Variants in CAMTA1 observed in about 807,000 individuals in gnomAD.
CAMTA1 encodes the protein calmodulin-binding transcription activator 1.
CAMTA1 carries 27 observed loss-of-function variants against 170.9 expected under a neutral mutation model. That is an observed-to-expected ratio of 0.16 (90% CI 0.12 to 0.22). The LOEUF is 0.22. CAMTA1 is among the 10% of genes least tolerant of loss of function. The pLI is 1.00. For missense variants in CAMTA1, 1,619 were observed against 2,217.2 expected, an observed-to-expected ratio of 0.73 and a Z score of 5.42; for synonymous variants, 833 against 891.5, an observed-to-expected ratio of 0.93 and a Z score of 1.17.
rs1477095211 is a variant in CAMTA1, at chr1:7,680,860, G to GCCA, written c.2914+3128_2914+3130dup. Among the ~76,000 whole-genome samples, 19 of 47,006 alleles carry GCCA rather than the reference G, an allele frequency of 4.0e-4. No homozygotes were observed. In the Admixed American group the frequency reaches 5.0e-3, roughly 12 times the overall value. 30.8% of individuals were successfully genotyped at this position (47,006 alleles called of 152,430 possible). On this transcript the variant is annotated intron_variant, in intron 11 of 22. Coordinates refer to ENST00000303635, the MANE Select transcript of CAMTA1 (RefSeq NM_015215.4). This position sits in a 1 kb window ranked among gnomAD's most constrained non-coding sequence, Gnocchi z 4.4. ...AGAGAACACGCGCGCGCGCGCGCGC[G>GCCA]CCAGCAGCAGCAGCAGCAGCAGCTG...
At chr1:7,452,999 A>T (rs376006041) in intron 5 of CAMTA1, among the ~76,000 whole-genome samples, 1 of 148,146 alleles carries the variant, frequency 6.8e-6, no homozygotes, top group East Asian at 1.9e-4. Flanking sequence ...ACTAGACTCC[A>T]AGGAAACACA....
chr1:6,927,041 C>T (rs951058035), intron 3 of CAMTA1, among the ~76,000 whole-genome samples: 5 of 151,896 alleles, frequency 3.3e-5, no homozygotes, highest in Admixed American at 2.0e-4. Flanking sequence ...CACCTGGCCT[C>T]GGTGATTATT....
chr1:7,263,329 G>A (rs1214757431), intron 5 of CAMTA1, among the ~76,000 whole-genome samples: 1 of 152,154 alleles, frequency 6.6e-6, no homozygotes, highest in East Asian at 1.9e-4. Flanking sequence ...TATTGTGAAT[G>A]GACTGAATTA....
chr1:7,745,086 G>T, intron 17 of CAMTA1, 64 bp downstream of exon 17: 1 of 1,448,536 alleles, frequency 6.9e-7, no homozygotes, highest in Non-Finnish European at 9.4e-7. Flanking sequence ...AGGCAGGGGA[G>T]GCTGATTGTA....
rs116361765 is a variant in CAMTA1, at chr1:6,973,215, G to C, written c.235-118089G>C. On this transcript the variant is annotated intron_variant, in intron 3 of 22. Transcript: ENST00000303635. Reference sequence around the variant, plus strand: ...TCTTTAGGCATGATGCTGTGTGGCAGATCTCCAGGACGAACTCATCTTGCA... The same window carrying C: ...TCTTTAGGCATGATGCTGTGTGGCACATCTCCAGGACGAACTCATCTTGCA... Among the ~76,000 whole-genome samples the C allele has an allele frequency of 4.6e-3, 694 of 152,298 alleles. 3 individuals are homozygous for C. Among genetic ancestry groups the C allele is most frequent in the African/African-American group, 0.016 (666 of 41,566 alleles).
chr1:6,951,970 C>G lies in CAMTA1; in HGVS notation c.234+126760C>G, dbSNP rs561050746. On this transcript the variant is annotated intron_variant, in intron 3 of 22. Coordinates refer to ENST00000303635, the MANE Select transcript of CAMTA1 (RefSeq NM_015215.4). Reference sequence around the variant, plus strand: ...GGGTCTGGACTGGCTTCCTGCTGCTCCCTTGAACCACAGCCCCAAACCCCA... The same window carrying G: ...GGGTCTGGACTGGCTTCCTGCTGCTGCCTTGAACCACAGCCCCAAACCCCA... Among the ~76,000 whole-genome samples, 6 of 152,292 alleles carry G rather than the reference C, an allele frequency of 3.9e-5. No homozygotes were observed. The East Asian group carries it at 1.2e-3, about 29-fold the overall frequency.
intron 3 of CAMTA1, among the ~76,000 whole-genome samples, chr1:6,940,693 C>T (rs953050277): frequency 6.6e-6 from 1 of 152,036 alleles, no homozygotes; most frequent in Non-Finnish European, 1.5e-5. Context: ...CACTTAAGGA[C>T]TCTAGGGGCA....
chr1:7,119,079 T>A (rs1283108555), intron 4 of CAMTA1, among the ~76,000 whole-genome samples: 1 of 152,220 alleles, frequency 6.6e-6, no homozygotes, highest in East Asian at 1.9e-4. Flanking sequence ...AGAGCAGGAA[T>A]CGCCTTAATT....
intron 21 of CAMTA1, among the ~76,000 whole-genome samples, chr1:7,754,158 A>C (rs1177890859): frequency 6.6e-6 from 1 of 152,198 alleles, no homozygotes; most frequent in African/African-American, 2.4e-5. Flanking sequence ...CCTGAGCAAG[A>C]TCCTATCCAG....
At chr1:7,499,788 T>TGA (rs369187473) in intron 6 of CAMTA1, among the ~76,000 whole-genome samples, 78,881 of 133,256 alleles carry the variant, frequency 0.59, 25,417 homozygotes, top group African/African-American at 0.78. Flanking sequence ...TGTCCATGAG[T>TGA]GTGTGTGGAG....
rs79048333 is a variant in CAMTA1 at position 7,331,858 on chromosome 1, T to C, written c.438+82232T>C. 7.9e-3 allele frequency among the ~76,000 whole-genome samples: 1,199 copies of C among 152,310 alleles called. 13 individuals are homozygous for C. Among genetic ancestry groups the C allele is most frequent in the African/African-American group, 0.027 (1,138 of 41,564 alleles). On this transcript the variant is annotated intron_variant, in intron 5 of 22. Transcript: ENST00000303635. ...TAACTTACATGTCCCTCGTCCTTCT[T>C]ATTCTGCTTTGGATGATCCCACAGA...
intron 5 of CAMTA1, among the ~76,000 whole-genome samples, chr1:7,378,371 AC>A (rs1198445993): frequency 3.3e-5 from 5 of 152,246 alleles, no homozygotes; most frequent in Non-Finnish European, 7.3e-5. Flanking sequence ...AAGTCCCTCC[AC>A]AGAGGAATAA....
At chr1:7,332,144 T>A (rs1269600539) in intron 5 of CAMTA1, among the ~76,000 whole-genome samples, 1 of 152,186 alleles carries the variant, frequency 6.6e-6, no homozygotes, top group South Asian at 2.1e-4. Flanking sequence ...GGGCTGCTGG[T>A]GTGGGGCCTC....
At chr1:7,537,272 C>T (rs562363165) in intron 6 of CAMTA1, among the ~76,000 whole-genome samples, 3 of 152,290 alleles carry the variant, frequency 2.0e-5, no homozygotes, top group South Asian at 4.1e-4. Flanking sequence ...GATCCTTTGC[C>T]CGTCGGCAGC....
At position 7,443,850 on chromosome 1, in the gene CAMTA1, T is replaced by G. The variant is rs1243796071; in HGVS notation, c.439-23980T>G. On this transcript the variant is annotated intron_variant, in intron 5 of 22. Coordinates refer to ENST00000303635, the MANE Select transcript of CAMTA1 (RefSeq NM_015215.4). The surrounding 1 kb of genome is among the most constrained non-coding windows in gnomAD (Gnocchi z 4.1). ...GTCCCAAGACAGCCTCTACAGGGGG[T>G]CCCAGCTGAGCAGGCCAGAGGGAGG... Among the ~76,000 whole-genome samples the G allele has an allele frequency of 1.1e-5, 1 of 88,574 alleles. No individual in the cohort carries two copies. Among genetic ancestry groups the G allele is most frequent in the Non-Finnish European group, 3.1e-5 (1 of 32,066 alleles). 58.1% of individuals were successfully genotyped at this position (88,574 alleles called of 152,430 possible).
At chr1:7,533,994 G>A (rs1027363078) in intron 6 of CAMTA1, among the ~76,000 whole-genome samples, 3 of 152,066 alleles carry the variant, frequency 2.0e-5, no homozygotes, top group Non-Finnish European at 4.4e-5. Context: ...TCTGGATGCC[G>A]CATGGTCAAG....
chr1:7,517,132 C>T (rs570649887), intron 6 of CAMTA1, among the ~76,000 whole-genome samples: 2 of 152,314 alleles, frequency 1.3e-5, no homozygotes, highest in Admixed American at 1.3e-4. Flanking sequence ...TCTGCATAAT[C>T]CTTTCTCGTG....
chr1:7,104,644 T>A lies in CAMTA1; in HGVS notation c.302+13273T>A, dbSNP rs989279620. Among the ~76,000 whole-genome samples the A allele has an allele frequency of 3.3e-5, 5 of 152,256 alleles. 1 individual carries two copies. Among genetic ancestry groups the A allele is most frequent in the Admixed American group, 3.3e-4 (5 of 15,282 alleles). ...GTCCCAGTGTCCCCTAGCACTGTGCTCCTTTTAAACTTTCTCCCACTCCCA... is the reference window on the plus strand; with the variant it reads ...GTCCCAGTGTCCCCTAGCACTGTGCACCTTTTAAACTTTCTCCCACTCCCA... On this transcript the variant is annotated intron_variant, in intron 4 of 22. Transcript: ENST00000303635.
At chr1:7,116,251 T>TA (rs1224304922) in intron 4 of CAMTA1, among the ~76,000 whole-genome samples, 4 of 152,216 alleles carry the variant, frequency 2.6e-5, no homozygotes, top group African/African-American at 7.2e-5. Context: ...CAGTTAATTT[T>TA]AAAAAATCAC....
Sources: gnomAD v4.1 joint callset for allele counts (sites outside exome capture counted in the v4.1 genomes callset) on GRCh38, gnomAD v4.1.1 for gene constraint, Gnocchi (gnomAD v3.1) non-coding constraint, MANE v1.5 for transcripts, NCBI Gene and HGNC (gene_info 2026-07-23, HGNC 2026-07-21) for gene names.